RLN2: variants seen among roughly 807,000 people sequenced by gnomAD.
The protein encoded by RLN2 is relaxin 2, also known as prorelaxin H2.
In RLN2, 10 loss-of-function variants were observed where a neutral mutation model predicts 7.3. The observed-to-expected ratio is 1.36, with a 90% confidence interval of 0.84 to 2.31. The LOEUF (loss-of-function observed/expected upper bound fraction) is 2.31, where lower values mean the gene tolerates loss of function less well. RLN2 is among the 30% of genes most tolerant of loss of function. The pLI, the probability that RLN2 is intolerant of heterozygous loss-of-function variation, is 0.00. For synonymous variants in RLN2, 103 were observed against 82.3 expected (o/e 1.25, Z -1.36); for missense variants, 298 against 217.6 (o/e 1.37, Z -2.32).
chr9:5,324,884 A>C, the RLN2 span, among the ~76,000 whole-genome samples: 1 of 152,012 alleles, frequency 6.6e-6, no homozygotes, highest in Non-Finnish European at 1.5e-5. Flanking sequence ...CAACATATTC[A>C]ATTGCACTGC....
At position 5,304,448 on chromosome 9, in the gene RLN2, C is replaced by T. The variant is rs562962532; in HGVS notation, c.133G>A (p.Ala45Thr). 5.0e-6 allele frequency: 8 copies of T among 1,613,162 alleles called. No individual in the cohort carries two copies. In the African/African-American group the frequency reaches 8.0e-5, roughly 16 times the overall value. The stretch of plus-strand genomic sequence containing the variant: ...CTCCAGGTGCTCATGCCGCAAATGG[C>T]AATCTGCGCGCGAACTAATTCGCGG... ...CGRELVRAQI[A>T]ICGMSTWSKR... The change falls in exon 1 of 2, where the codon GCC (alanine) becomes ACC (threonine). Residue 45 changes from alanine to threonine, a missense_variant. Transcript: ENST00000381627.
the RLN2 span, among the ~76,000 whole-genome samples, chr9:5,314,710 G>A: frequency 6.6e-6 from 1 of 152,098 alleles, no homozygotes; most frequent in East Asian, 1.9e-4. Flanking sequence ...TTGCAGCACT[G>A]CTCCCTTCCT....
chr9:5,336,254 T>C, the RLN2 span, among the ~76,000 whole-genome samples: 1 of 152,084 alleles, frequency 6.6e-6, no homozygotes, highest in Non-Finnish European at 1.5e-5. Context: ...GGTTAAAAGA[T>C]CACTAACCAA....
At chr9:5,301,778 A>G (rs1224027568) in intron 1 of RLN2, among the ~76,000 whole-genome samples, 1 of 152,132 alleles carries the variant, frequency 6.6e-6, no homozygotes, top group Admixed American at 6.5e-5. Context: ...CAAGAGATTC[A>G]GTTGTTCCCC....
chr9:5,332,012 G>A, the RLN2 span, among the ~76,000 whole-genome samples: 1 of 151,672 alleles, frequency 6.6e-6, no homozygotes, highest in Non-Finnish European at 1.5e-5. Flanking sequence ...TATTATTTGT[G>A]TTAATGAAAA....
the RLN2 span, among the ~76,000 whole-genome samples, chr9:5,320,029 A>G: frequency 6.6e-6 from 1 of 150,732 alleles, no homozygotes; most frequent in African/African-American, 2.5e-5. Context: ...TCTGTCACCC[A>G]GACCAGAGTG....
the RLN2 span, among the ~76,000 whole-genome samples, chr9:5,332,131 G>A: frequency 3.3e-5 from 5 of 151,862 alleles, no homozygotes; most frequent in Admixed American, 6.6e-5. Flanking sequence ...ACTGATCTAC[G>A]TGTGTGGAAA....
the RLN2 span, among the ~76,000 whole-genome samples, chr9:5,321,311 G>T: frequency 6.6e-6 from 1 of 152,184 alleles, no homozygotes; most frequent in South Asian, 2.1e-4. Context: ...AGAAGTGAGT[G>T]TGCTTATTAC....
the RLN2 span, among the ~76,000 whole-genome samples, chr9:5,313,808 G>A: frequency 6.6e-6 from 1 of 151,896 alleles, no homozygotes; most frequent in Non-Finnish European, 1.5e-5. Context: ...ACTACATTTA[G>A]AAGAAAATAA....
chr9:5,327,781 G>A, the RLN2 span, among the ~76,000 whole-genome samples: 1 of 152,000 alleles, frequency 6.6e-6, no homozygotes, highest in Admixed American at 6.6e-5. Flanking sequence ...GTTCTAGAGT[G>A]GACTTCTGGC....
Position 5,299,902 on chromosome 9 carries a change from A to T in RLN2, c.*196T>A, listed in dbSNP as rs1827119419. 1 of 425,826 alleles carries T rather than the reference A, an allele frequency of 2.3e-6. No individual in the cohort carries two copies. The highest frequency in any genetic ancestry group is 2.0e-5 in the African/African-American group (1 of 49,246). 26.4% of individuals were successfully genotyped at this position (425,826 alleles called of 1,614,324 possible). ...AATGTGTCATTTAATCACACAAAGA[A>T]CATTTTCTTACACATCAAATAAAAA... On this transcript the variant is annotated 3_prime_UTR_variant, in exon 2 of 2. Transcript: ENST00000381627.
At chr9:5,311,515 G>A in the RLN2 span, 1 of 717,050 alleles carries the variant, frequency 1.4e-6, no homozygotes, top group South Asian at 1.4e-5. Flanking sequence ...CCACAGAGAA[G>A]ATCATGAGGT....
At chr9:5,326,288 G>A in the RLN2 span, among the ~76,000 whole-genome samples, 2 of 152,090 alleles carry the variant, frequency 1.3e-5, no homozygotes, top group Non-Finnish European at 2.9e-5. Flanking sequence ...GGGGCTGACA[G>A]TAGCAGGAAA....
the RLN2 span, chr9:5,311,479 G>A: frequency 1.5e-6 from 1 of 667,530 alleles, no homozygotes; most frequent in Non-Finnish European, 2.7e-6. Context: ...GATGTTAAAG[G>A]AGATAAAGTC....
the RLN2 span, among the ~76,000 whole-genome samples, chr9:5,328,129 G>A: frequency 1.3e-5 from 2 of 151,932 alleles, no homozygotes; most frequent in Admixed American, 6.6e-5. Flanking sequence ...AAAGGAGCAT[G>A]TTCTAACCCA....
At chr9:5,319,863 A>T in the RLN2 span, among the ~76,000 whole-genome samples, 1,241 of 152,146 alleles carry the variant, frequency 8.2e-3, 29 homozygotes, top group African/African-American at 0.028. Flanking sequence ...ATATGGATTC[A>T]TGTAGTAGAA....
At chr9:5,339,188 T>C in the RLN2 span, 1 of 200,010 alleles carries the variant, frequency 5.0e-6, no homozygotes, top group Non-Finnish European at 8.9e-6. Flanking sequence ...CCCGGCCTCC[T>C]GCGGGTCTCC....
intron 1 of RLN2, among the ~76,000 whole-genome samples, chr9:5,302,078 C>T (rs1332292798): frequency 6.6e-6 from 1 of 152,110 alleles, no homozygotes; most frequent in African/African-American, 2.4e-5. Flanking sequence ...TGGTAATTTT[C>T]TATATACTTA....
chr9:5,335,522 G>A, the RLN2 span: 56 of 1,612,844 alleles, frequency 3.5e-5, no homozygotes, highest in South Asian at 5.5e-5. Flanking sequence ...CTTCAGCTCC[G>A]GTGGCAAATT....
Sources: allele counts gnomAD v4.1 joint callset (sites outside exome capture counted in the v4.1 genomes callset), GRCh38; gene constraint gnomAD v4.1.1; transcripts MANE v1.5; gene names NCBI Gene and HGNC (gene_info 2026-07-23, HGNC 2026-07-21).